The following ANK2 variants were observed in gnomAD, a reference collection of about 807,000 sequenced individuals.
ANK2 encodes the protein ankyrin-2.
Under a neutral mutation model 360.5 loss-of-function variants are expected in ANK2, and 83 were observed. That is an observed-to-expected ratio of 0.23 (90% CI 0.19 to 0.28). The LOEUF is 0.28. Ranked by LOEUF, ANK2 falls within the 10% of genes least tolerant of loss-of-function variation. The pLI, the probability that ANK2 is intolerant of heterozygous loss-of-function variation, is 1.00. For missense variants in ANK2, 4,201 were observed against 4,795.7 expected (o/e 0.88, Z 3.66); for synonymous variants, 1,740 against 1,759.5 (o/e 0.99, Z 0.28).
chr4:113,378,043 T>A (rs2097020015), intron 45 of ANK2: 1 of 948,748 alleles, frequency 1.1e-6, no homozygotes. Context: ...TGTTTGAAAG[T>A]CTATAGTTTA....
Position 113,345,970 on chromosome 4 carries a change from T to C in ANK2, c.4319T>C (p.Leu1440Pro). ...AAGGAGCCAAAATCCACGAGAGGCC[T>C]GGTGCATCAAGCTATTTGCAACTTA... The part of the protein sequence containing the change: ...FMKEPKSTRG[L>P]VHQAICNLNI... Residue 1440 changes from leucine (L) to proline (P), a missense_variant, in exon 35 of 46, where the codon CTG becomes CCG. Leu to Pro is a moderately conservative substitution (Grantham distance 98). Around this residue, in one of 4 missense-constraint regions of ANK2, gnomAD observed 1,268 missense variants for 1,650.8 expected, o/e 0.77. Transcript: ENST00000357077. 6.2e-7 allele frequency: 1 copy of C among 1,613,764 alleles called. No individual in the cohort carries two copies. Among genetic ancestry groups the C allele is most frequent in the Non-Finnish European group, 8.5e-7 (1 of 1,179,680 alleles).
At chr4:113,117,007 C>T in intron 1 of ANK2, 1 of 263,012 alleles carries the variant, frequency 3.8e-6, no homozygotes, top group Non-Finnish European at 7.6e-6. Flanking sequence ...GGGACCATTT[C>T]TGAGTGTGGG....
rs2079795390 is a variant in ANK2 at position 113,311,231 on chromosome 4, G to T, written c.2549-24G>T. 3.1e-6 allele frequency: 5 copies of T among 1,613,968 alleles called. No homozygotes were observed. The African/African-American group carries it at 6.7e-5, about 22-fold the overall frequency. On this transcript the variant is annotated intron_variant, in intron 23 of 45. Coordinates refer to ENST00000357077, the MANE Select transcript of ANK2 (RefSeq NM_001148.6). ...GATATTACATTCAAGAAATAATCCTGCTTCTTCCTCTGATTGTTTCAAGGT... is the reference window on the plus strand; with the variant it reads ...GATATTACATTCAAGAAATAATCCTTCTTCTTCCTCTGATTGTTTCAAGGT...
intron 2 of ANK2, among the ~76,000 whole-genome samples, chr4:112,935,914 A>C (rs1207106487): frequency 2.0e-5 from 3 of 152,220 alleles, no homozygotes; most frequent in African/African-American, 7.2e-5. Context: ...AGACCCCTCA[A>C]AGAACTTAAC....
chr4:113,101,244 T>A (rs1291984534), intron 1 of ANK2, among the ~76,000 whole-genome samples: 1 of 152,166 alleles, frequency 6.6e-6, no homozygotes, highest in Non-Finnish European at 1.5e-5. Flanking sequence ...TCCAAATGTA[T>A]ATATGTAAAT....
chr4:113,160,274 A>C (rs2097476480), intron 1 of ANK2: 2 of 384,354 alleles, frequency 5.2e-6, no homozygotes, highest in South Asian at 4.0e-5. Flanking sequence ...TATGTTGTCA[A>C]GGCTGGTCTC....
At chr4:112,830,902 C>T (rs905195429) in intron 1 of ANK2, among the ~76,000 whole-genome samples, 9 of 152,198 alleles carry the variant, frequency 5.9e-5, no homozygotes, top group Admixed American at 1.3e-4. Flanking sequence ...GCACTCAGAA[C>T]GGCTGGCTGG....
intron 14 of ANK2, among the ~76,000 whole-genome samples, chr4:113,268,236 C>G (rs765287001): frequency 6.6e-6 from 1 of 152,166 alleles, no homozygotes. Context: ...TTTGAATACC[C>G]TTTATTTCCT....
intron 26 of ANK2, among the ~76,000 whole-genome samples, chr4:113,321,113 G>A (rs909313020): frequency 2.0e-5 from 3 of 152,212 alleles, no homozygotes; most frequent in South Asian, 2.1e-4. Context: ...ACTCGTATGT[G>A]ACATCAGGCA....
chr4:113,143,300 C>T (rs79869522), intron 1 of ANK2, among the ~76,000 whole-genome samples: 13 of 34,214 alleles, frequency 3.8e-4, no homozygotes, highest in African/African-American at 8.2e-4. Flanking sequence ...AAAGGCATGG[C>T]GGTGGAATGG....
At chr4:112,798,858 A>C in the ANK2 span, among the ~76,000 whole-genome samples, 1 of 152,126 alleles carries the variant, frequency 6.6e-6, no homozygotes, top group African/African-American at 2.4e-5. Context: ...AACCATTTTA[A>C]AGTGTACAGT....
At chr4:113,363,080 A>G (rs575525294) in intron 39 of ANK2, among the ~76,000 whole-genome samples, 5 of 152,178 alleles carry the variant, frequency 3.3e-5, no homozygotes, top group African/African-American at 7.2e-5. Flanking sequence ...TGAATTATAC[A>G]TATCTTATCA....
At chr4:113,018,120 C>A (rs960889633) in intron 2 of ANK2, among the ~76,000 whole-genome samples, 1 of 152,212 alleles carries the variant, frequency 6.6e-6, no homozygotes, top group Non-Finnish European at 1.5e-5. Context: ...GAGCTTTAGT[C>A]GTCAGTCAGT....
chr4:113,098,737 A>G (rs781285769), intron 1 of ANK2, among the ~76,000 whole-genome samples: 4 of 152,046 alleles, frequency 2.6e-5, no homozygotes, highest in African/African-American at 4.8e-5. Context: ...ACAAGAAAGG[A>G]AAACTACAGA....
the ANK2 span, among the ~76,000 whole-genome samples, chr4:112,719,663 G>T: frequency 2.0e-5 from 3 of 150,922 alleles, no homozygotes; most frequent in African/African-American, 7.3e-5. Context: ...AGGGGGCGGA[G>T]CTTGCTGTGA....
At chr4:113,107,369 A>G (rs1166893087) in intron 1 of ANK2, among the ~76,000 whole-genome samples, 1 of 152,098 alleles carries the variant, frequency 6.6e-6, no homozygotes, top group Non-Finnish European at 1.5e-5. Context: ...GGCACATGCC[A>G]CCATGCCTGG....
At chr4:112,922,221 T>C (rs888263752) in intron 2 of ANK2, among the ~76,000 whole-genome samples, 3 of 152,118 alleles carry the variant, frequency 2.0e-5, no homozygotes, top group Non-Finnish European at 4.4e-5. Context: ...TTTGAGTATA[T>C]CTGTATTGAG....
chr4:113,040,512 A>G (rs1194166040), intron 2 of ANK2, among the ~76,000 whole-genome samples: 1 of 152,010 alleles, frequency 6.6e-6, no homozygotes, highest in Non-Finnish European at 1.5e-5. Flanking sequence ...TTTAAAATCC[A>G]TCTCAGTGAA....
In ANK2 at chr4:113,360,826, C is replaced by A. The variant is rs779374859; in HGVS notation, c.10685C>A (p.Pro3562Gln). ...TTCTGTTTTTGACCTTCTCCAGATC[C>A]ACAGGATGAGCAGGAACGGATCGAG... ...DENGHDHAED[P>Q]QDEQERIEER... The change falls in exon 39 of 46, where the codon CCA becomes CAA. Residue 3562 changes from proline (P) to glutamine (Q), a missense_variant. By Grantham distance (76) the Pro-to-Gln change is moderately conservative (BLOSUM62 -1). This residue lies in a region of ANK2 where 2,642 missense variants were observed against 2,714.5 expected (regional missense o/e 0.97). Coordinates refer to ENST00000357077, the MANE Select transcript of ANK2 (RefSeq NM_001148.6). 4 of 1,612,334 alleles carry A rather than the reference C, an allele frequency of 2.5e-6. No individual in the cohort carries two copies. Among genetic ancestry groups the A allele is most frequent in the Non-Finnish European group, 3.4e-6 (4 of 1,179,116 alleles).
Sources: allele counts gnomAD v4.1 joint callset (sites outside exome capture counted in the v4.1 genomes callset), GRCh38; gene constraint gnomAD v4.1.1; regional missense constraint gnomAD v4.1.1; transcripts MANE v1.5; gene names NCBI Gene and HGNC (gene_info 2026-07-23, HGNC 2026-07-21).